CNTLN: variants seen among roughly 807,000 people sequenced by gnomAD.
The protein encoded by CNTLN is centlein, centrosomal protein.
In CNTLN, 212 loss-of-function variants were observed where a neutral mutation model predicts 180.0. The observed-to-expected ratio is 1.18, with a 90% CI of 1.05 to 1.32. The LOEUF (loss-of-function observed/expected upper bound fraction) is 1.32, where lower values mean the gene tolerates loss of function less well. Among genes scored for constraint, CNTLN ranks in the 40% most tolerant of loss-of-function variants. The probability of loss-of-function intolerance (pLI) is 0.00; values close to 1 mark genes in which losing one functional copy is unlikely to be tolerated. For synonymous variants in CNTLN, 722 were observed against 563.1 expected (o/e 1.28, Z -3.99); for missense variants, 2,095 against 1,610.9 (o/e 1.30, Z -5.14).
intron 5 of CNTLN, among the ~76,000 whole-genome samples, chr9:17,259,923 C>T (rs1432309817): frequency 2.2e-5 from 3 of 136,126 alleles, no homozygotes; most frequent in African/African-American, 9.3e-5. Flanking sequence ...TTTCAAAAAA[C>T]CAGCTCCTGG....
chr9:17,264,195 T>A lies in CNTLN; in HGVS notation c.850-9538T>A, dbSNP rs1418836342. Among the ~76,000 whole-genome samples, 17 of 144,270 alleles carry A rather than the reference T, an allele frequency of 1.2e-4. 1 individual carries two copies. Among genetic ancestry groups the A allele is most frequent in the Admixed American group, 6.1e-4 (9 of 14,650 alleles). 94.6% of individuals were successfully genotyped at this position (144,270 alleles called of 152,430 possible). A position where few individuals can be genotyped will look rare whatever the true frequency, so the allele number is the denominator to read the frequency against. On this transcript the variant is annotated intron_variant, in intron 5 of 25. Coordinates refer to ENST00000380647, the MANE Select transcript of CNTLN (RefSeq NM_017738.4). ...GTTTTAGGTCTAACATTTAAGTCTTTAATCCATCTTGAATTGATTTTTGTA... is the reference window on the plus strand; with the variant it reads ...GTTTTAGGTCTAACATTTAAGTCTTAAATCCATCTTGAATTGATTTTTGTA...
At chr9:17,423,182 A>G (rs903735352) in intron 18 of CNTLN, among the ~76,000 whole-genome samples, 2 of 152,184 alleles carry the variant, frequency 1.3e-5, no homozygotes, top group East Asian at 1.9e-4. Context: ...AGCTAGCAAC[A>G]TAGTGGTTAT....
At chr9:17,474,392 G>A (rs1832215980) in intron 23 of CNTLN, among the ~76,000 whole-genome samples, 1 of 152,016 alleles carries the variant, frequency 6.6e-6, no homozygotes. Flanking sequence ...TTTCTCTCAT[G>A]TTGCATTTCT....
chr9:17,206,984 T>G (rs1171496922), intron 2 of CNTLN, among the ~76,000 whole-genome samples: 7 of 152,198 alleles, frequency 4.6e-5, no homozygotes, highest in Non-Finnish European at 8.8e-5. Flanking sequence ...GACCCCTCCT[T>G]GTCTGTGCAC....
At chr9:17,453,099 G>A (rs963075718) in intron 18 of CNTLN, among the ~76,000 whole-genome samples, 17 of 152,056 alleles carry the variant, frequency 1.1e-4, no homozygotes, top group Admixed American at 1.3e-4. Context: ...ATTGCTTGAG[G>A]CCAGGAGTTC....
rs773598770 is a variant in CNTLN, at chr9:17,298,232, T to G, written c.1026T>G (p.Ser342Arg). 3 of 1,609,784 alleles carry G rather than the reference T, an allele frequency of 1.9e-6. No individual in the cohort carries two copies. In the Admixed American group the frequency reaches 5.1e-5, roughly 27 times the overall value. Residue 342 changes from serine to arginine, a missense_variant, in exon 7 of 26, where the codon AGT (serine) becomes AGG (arginine). Ser to Arg is a moderately radical substitution (Grantham distance 110, BLOSUM62 -1). Transcript: ENST00000380647. ...TGCAGAATCTTTACAAACAGAACAG[T>G]ACACATACAGCCCAGCAAGCAGAGC... ...QELQNLYKQN[S>R]THTAQQAELI...
chr9:17,177,150 C>T (rs550283612), intron 2 of CNTLN, among the ~76,000 whole-genome samples: 1 of 152,236 alleles, frequency 6.6e-6, no homozygotes, highest in South Asian at 2.1e-4. Flanking sequence ...TGGCTCACGC[C>T]TGTAATCCCA....
At chr9:17,237,225 C>T (rs1253529305) in intron 5 of CNTLN, among the ~76,000 whole-genome samples, 1 of 151,322 alleles carries the variant, frequency 6.6e-6, no homozygotes, top group Admixed American at 6.6e-5. Context: ...TTCTCTTTGT[C>T]TTTAGAGGTT....
At chr9:17,330,895 C>G in intron 9 of CNTLN, 87 bp downstream of exon 9, 1 of 1,196,360 alleles carries the variant, frequency 8.4e-7, no homozygotes. Context: ...GCAGCATTTA[C>G]TTCTCTGCTT....
At chr9:17,472,947 C>T (rs924222931) in intron 23 of CNTLN, among the ~76,000 whole-genome samples, 3 of 152,142 alleles carry the variant, frequency 2.0e-5, no homozygotes, top group African/African-American at 7.2e-5. Flanking sequence ...GCCCTTACTT[C>T]CCTCCTCATG....
intron 18 of CNTLN, among the ~76,000 whole-genome samples, chr9:17,424,814 A>G (rs1348554566): frequency 6.6e-6 from 1 of 152,114 alleles, no homozygotes; most frequent in East Asian, 1.9e-4. Flanking sequence ...TCACCATGTA[A>G]TGCTCTCTGC....
At chr9:17,467,689 C>T (rs570940639) in intron 23 of CNTLN, among the ~76,000 whole-genome samples, 11 of 151,590 alleles carry the variant, frequency 7.3e-5, no homozygotes, top group Non-Finnish European at 1.5e-4. Context: ...TTTACCTTTT[C>T]CAGATTCAAA....
At chr9:17,314,014 G>C (rs544280453) in intron 8 of CNTLN, among the ~76,000 whole-genome samples, 6 of 152,288 alleles carry the variant, frequency 3.9e-5, no homozygotes, top group East Asian at 3.9e-4. Context: ...GATTACAGGC[G>C]TGAGCCACTG....
chr9:17,276,640 C>G (rs1185333929), intron 6 of CNTLN, among the ~76,000 whole-genome samples: 1 of 151,752 alleles, frequency 6.6e-6, no homozygotes, highest in Non-Finnish European at 1.5e-5. Flanking sequence ...ACAGTCATTC[C>G]TTGGTATCTG....
At chr9:17,374,289 T>C (rs1478090342) in intron 13 of CNTLN, among the ~76,000 whole-genome samples, 1 of 152,056 alleles carries the variant, frequency 6.6e-6, no homozygotes, top group African/African-American at 2.4e-5. Flanking sequence ...AATAATCCAA[T>C]TAAAAAATGG....
chr9:17,459,544 C>G (rs749695449), intron 19 of CNTLN, among the ~76,000 whole-genome samples: 1 of 151,800 alleles, frequency 6.6e-6, no homozygotes, highest in South Asian at 2.1e-4. Flanking sequence ...TTGTCTACTA[C>G]TAAAAATTTT....
chr9:17,262,698 A>T (rs987279939), intron 5 of CNTLN, among the ~76,000 whole-genome samples: 1 of 151,454 alleles, frequency 6.6e-6, no homozygotes, highest in Non-Finnish European at 1.5e-5. Flanking sequence ...CCCATGCAAC[A>T]AACCTTCACG....
intron 6 of CNTLN, among the ~76,000 whole-genome samples, chr9:17,274,501 C>CTATG (rs1355492035): frequency 9.5e-6 from 1 of 105,162 alleles, no homozygotes; most frequent in East Asian, 2.8e-4. Flanking sequence ...ATCTATCTAT[C>CTATG]TATGTATCTT....
intron 16 of CNTLN, among the ~76,000 whole-genome samples, chr9:17,414,923 C>G (rs1174135075): frequency 2.6e-5 from 4 of 152,044 alleles, no homozygotes. Flanking sequence ...AACCCCATCT[C>G]TACCAAAAAT....
Sources: allele counts gnomAD v4.1 joint callset (sites outside exome capture counted in the v4.1 genomes callset), GRCh38; gene constraint gnomAD v4.1.1; transcripts MANE v1.5; gene names NCBI Gene and HGNC (gene_info 2026-07-23, HGNC 2026-07-21).